Variants in MRPS28 observed in about 807,000 individuals in gnomAD.
MRPS28 encodes the protein mitochondrial ribosomal protein S28.
Under a neutral mutation model 10.8 loss-of-function variants are expected in MRPS28, and 7 were observed. The observed-to-expected ratio is 0.65, with a 90% confidence interval of 0.37 to 1.22. The LOEUF (loss-of-function observed/expected upper bound fraction) is 1.22. MRPS28 is among the 50% of genes most tolerant of loss of function. The probability of loss-of-function intolerance (pLI) is 0.02; values close to 1 mark genes in which losing one functional copy is unlikely to be tolerated. For missense variants in MRPS28, 265 were observed against 232.9 expected (o/e 1.14, Z -0.90); for synonymous variants, 121 against 93.3 (o/e 1.30, Z -1.71).
At chr8:79,983,013 GAGGCA>G in intron 2 of MRPS28, among the ~76,000 whole-genome samples, 1 of 139,808 alleles carries the variant, frequency 7.2e-6, no homozygotes. Flanking sequence ...GCCTAACTGG[GAGGCA>G]CCCCCCAGTA....
chr8:79,979,808 C>A (rs1807903291), intron 2 of MRPS28, among the ~76,000 whole-genome samples: 2 of 147,040 alleles, frequency 1.4e-5, no homozygotes, highest in Admixed American at 1.4e-4. Context: ...CCTTACTGTA[C>A]CATGCATGAC....
At chr8:79,941,169 A>C (rs1359030014) in intron 2 of MRPS28, among the ~76,000 whole-genome samples, 1 of 152,184 alleles carries the variant, frequency 6.6e-6, no homozygotes, top group Non-Finnish European at 1.5e-5. Context: ...ATTTTAAATC[A>C]GATTAGTGAG....
chr8:79,966,958 T>C (rs1807519819), intron 2 of MRPS28, among the ~76,000 whole-genome samples: 1 of 152,186 alleles, frequency 6.6e-6, no homozygotes, highest in African/African-American at 2.4e-5. Context: ...TTATGATTCT[T>C]TGACCCCAAT....
At chr8:80,014,866 T>C (rs1809154662) in intron 1 of MRPS28, among the ~76,000 whole-genome samples, 1 of 152,172 alleles carries the variant, frequency 6.6e-6, no homozygotes, top group South Asian at 2.1e-4. Context: ...ATGTGTTTGA[T>C]TGTCATGACT....
chr8:79,962,189 T>C (rs956693646), intron 2 of MRPS28, among the ~76,000 whole-genome samples: 4 of 151,330 alleles, frequency 2.6e-5, no homozygotes, highest in Non-Finnish European at 4.4e-5. Context: ...CAGAGGGTAG[T>C]AGTTTTATAT....
At chr8:79,958,438 G>A (rs994885234) in intron 2 of MRPS28, 2 of 666,348 alleles carry the variant, frequency 3.0e-6, no homozygotes, top group Non-Finnish European at 5.4e-6. Flanking sequence ...TGGGACTCCT[G>A]AGTGAAGGAG....
chr8:79,950,379 A>T (rs188404167), intron 2 of MRPS28, among the ~76,000 whole-genome samples: 36 of 152,254 alleles, frequency 2.4e-4, no homozygotes, highest in Admixed American at 1.0e-3. Context: ...TCTATTCTCA[A>T]TTCTCCCAGG....
chr8:79,934,977 A>G (rs532999759), intron 2 of MRPS28, among the ~76,000 whole-genome samples: 1 of 152,336 alleles, frequency 6.6e-6, no homozygotes, highest in South Asian at 2.1e-4. Flanking sequence ...AGTGCTTGCA[A>G]AAGTAATTCT....
At chr8:79,939,642 C>A (rs1431583872) in intron 2 of MRPS28, among the ~76,000 whole-genome samples, 1 of 152,140 alleles carries the variant, frequency 6.6e-6, no homozygotes, top group Non-Finnish European at 1.5e-5. Flanking sequence ...CACTTCTAAT[C>A]TCCTCTTAGC....
At chr8:79,938,687 T>C (rs1806676148) in intron 2 of MRPS28, among the ~76,000 whole-genome samples, 1 of 152,128 alleles carries the variant, frequency 6.6e-6, no homozygotes, top group Admixed American at 6.5e-5. Flanking sequence ...CCAAACCAAA[T>C]GTTCCACAGA....
At chr8:80,029,816 C>G (rs970272463) in intron 1 of MRPS28, 2 of 1,530,588 alleles carry the variant, frequency 1.3e-6, no homozygotes, top group Non-Finnish European at 1.7e-6. Flanking sequence ...AGACCCGGCC[C>G]AGTACGCAAA....
rs763109721 is a variant in MRPS28, at chr8:79,938,401, C to T, written c.396-19253G>A. ...TAAACAGTAGAGGTAGGATTCCACC[C>T]TGTTCTCTCTGATTGTGGGCTGTGC... On this transcript the variant is annotated intron_variant, in intron 2 of 2. Transcript: ENST00000276585. Among the ~76,000 whole-genome samples, 69 of 150,334 alleles carry T rather than the reference C, an allele frequency of 4.6e-4. 1 individual carries two copies. The highest frequency in any genetic ancestry group is 2.1e-3 in the Admixed American group (32 of 15,000).
At chr8:79,920,789 T>G (rs1810072629) in intron 2 of MRPS28, among the ~76,000 whole-genome samples, 1 of 152,202 alleles carries the variant, frequency 6.6e-6, no homozygotes, top group South Asian at 2.1e-4. Context: ...GCGCTTTAGT[T>G]TAATTAGATC....
intron 1 of MRPS28, among the ~76,000 whole-genome samples, chr8:80,027,226 T>G (rs759129390): frequency 2.6e-5 from 4 of 152,210 alleles, no homozygotes; most frequent in Non-Finnish European, 5.9e-5. Flanking sequence ...ATGCACTGAA[T>G]AAAGCTTACT....
intron 2 of MRPS28, among the ~76,000 whole-genome samples, chr8:79,928,219 T>C (rs1806352173): frequency 6.6e-6 from 1 of 151,636 alleles, no homozygotes; most frequent in Non-Finnish European, 1.5e-5. Context: ...TAGTTCCAGC[T>C]ACTGGGGAGG....
intron 2 of MRPS28, among the ~76,000 whole-genome samples, chr8:79,946,671 T>C (rs1586051332): frequency 6.6e-6 from 1 of 152,198 alleles, no homozygotes; most frequent in African/African-American, 2.4e-5. Context: ...TCCTGTGTGA[T>C]TTCTAAATTT....
At chr8:79,979,172 C>T (rs1049092674) in intron 2 of MRPS28, among the ~76,000 whole-genome samples, 3 of 152,082 alleles carry the variant, frequency 2.0e-5, no homozygotes, top group South Asian at 2.1e-4. Flanking sequence ...CTTTATAATA[C>T]GGGAGCCTTT....
Position 79,983,524 on chromosome 8 carries a change from G to GA in MRPS28, c.395+19474dup, listed in dbSNP as rs577971534. On this transcript the variant is annotated intron_variant, in intron 2 of 2. Coordinates refer to ENST00000276585, the MANE Select transcript of MRPS28 (RefSeq NM_014018.3). ...CAAAGGCAAAGAAGTTGAAAACTTTGAAAAAAATTTAGACGAATGTATAAC... is the reference window on the plus strand; with the variant it reads ...CAAAGGCAAAGAAGTTGAAAACTTTGAAAAAAAATTTAGACGAATGTATAAC... Among the ~76,000 whole-genome samples, 816 of 152,198 alleles carry GA rather than the reference G, an allele frequency of 5.4e-3. 6 individuals carry two copies. Among genetic ancestry groups the GA allele is most frequent in the African/African-American group, 0.019 (777 of 41,528 alleles).
At chr8:80,007,323 T>A (rs1808880688) in intron 1 of MRPS28, among the ~76,000 whole-genome samples, 1 of 152,174 alleles carries the variant, frequency 6.6e-6, no homozygotes, top group Non-Finnish European at 1.5e-5. Flanking sequence ...TCATACTGAA[T>A]GGGCAAAAAC....
Sources: gnomAD v4.1 joint callset for allele counts (sites outside exome capture counted in the v4.1 genomes callset) on GRCh38, gnomAD v4.1.1 for gene constraint, MANE v1.5 for transcripts, NCBI Gene and HGNC (gene_info 2026-07-23, HGNC 2026-07-21) for gene names.